The following C10orf88 variants were observed in gnomAD, a reference collection of about 807,000 sequenced individuals.
The protein encoded by C10orf88 is chromosome 10 open reading frame 88, also known as ATPase PAAT.
A neutral mutation model predicts 34.2 loss-of-function variants in C10orf88; 29 were observed. The observed-to-expected ratio is 0.85, with a 90% CI of 0.63 to 1.16. C10orf88 has a LOEUF of 1.16. Among genes scored for constraint, C10orf88 ranks in the 50% most tolerant of loss-of-function variants. The pLI is 0.00. For synonymous variants in C10orf88, 194 were observed against 197.4 expected, an observed-to-expected ratio of 0.98 and a Z score of 0.15; for missense variants, 507 against 533.2, an observed-to-expected ratio of 0.95 and a Z score of 0.48.
intron 5 of C10orf88, 102 bp from the exon 6 acceptor site, chr10:122,932,763 C>T (rs1848496589): frequency 6.4e-6 from 5 of 776,620 alleles, no homozygotes; most frequent in African/African-American, 1.8e-5. Flanking sequence ...TTTGTCTCCA[C>T]AACTGTGCTC....
chr10:122,946,018 C>T (rs1167094094), intron 4 of C10orf88, among the ~76,000 whole-genome samples: 1 of 151,894 alleles, frequency 6.6e-6, no homozygotes, highest in Non-Finnish European at 1.5e-5. Flanking sequence ...ATTGCTTGAA[C>T]CCAGGAGGCA....
intron 4 of C10orf88, among the ~76,000 whole-genome samples, chr10:122,945,412 A>G (rs74683960): frequency 6.6e-6 from 1 of 152,176 alleles, no homozygotes; most frequent in Non-Finnish European, 1.5e-5. Context: ...CCTTCTGCTT[A>G]TATGTTTTAA....
At chr10:122,934,974 T>C (rs1480898804) in intron 5 of C10orf88, among the ~76,000 whole-genome samples, 1 of 152,126 alleles carries the variant, frequency 6.6e-6, no homozygotes, top group African/African-American at 2.4e-5. Flanking sequence ...GAAATGACTA[T>C]TCTTTTGCCC....
At position 122,954,158 on chromosome 10, in the gene C10orf88, G is replaced by A. The variant is rs773622402; in HGVS notation, c.21C>T (p.Asp7=). The A allele has an allele frequency of 3.2e-6, 5 of 1,576,358 alleles. No homozygotes were observed. The South Asian group carries it at 3.5e-5, about 11-fold the overall frequency. METRTE[D]GGLTRRPTLA... is the part of the protein sequence containing the mutation. Reference sequence around the variant, plus strand: ...GCGTGGGGCGGCGGGTGAGGCCCCCGTCCTCGGTCCGCGTCTCCATTCCGC... The same window carrying A: ...GCGTGGGGCGGCGGGTGAGGCCCCCATCCTCGGTCCGCGTCTCCATTCCGC... The change falls in exon 1 of 6, where the codon GAC becomes GAT. Residue 7 remains aspartate, a synonymous_variant. Coordinates refer to ENST00000481909, the MANE Select transcript of C10orf88 (RefSeq NM_024942.4).
At chr10:122,951,909 C>A in intron 3 of C10orf88, 45 bp downstream of exon 3, 1 of 1,230,786 alleles carries the variant, frequency 8.1e-7, no homozygotes, top group Non-Finnish European at 1.2e-6. Context: ...ACACAGAGTA[C>A]AAAAACAACT....
Position 122,946,425 on chromosome 10 carries a change from C to A in C10orf88, c.648+2224G>T, listed in dbSNP as rs112215107. On this transcript the variant is annotated intron_variant, in intron 4 of 5. Transcript: ENST00000481909. ...GTATTCTGTAAAGTAACATGCTATA[C>A]AGGTTCGTAACCTAGGTACGTAGTA... Among the ~76,000 whole-genome samples the A allele has an allele frequency of 4.3e-3, 660 of 152,248 alleles. 4 individuals are homozygous for A. Among genetic ancestry groups the A allele is most frequent in the East Asian group, 0.013 (69 of 5,168 alleles).
chr10:122,950,251 T>A (rs144053412), intron 3 of C10orf88, among the ~76,000 whole-genome samples: 4 of 152,350 alleles, frequency 2.6e-5, no homozygotes, highest in African/African-American at 4.8e-5. Flanking sequence ...GGATTATATG[T>A]TAAAATTTCC....
At chr10:122,953,126 G>A (rs958965892) in intron 1 of C10orf88, 94 bp from the exon 2 acceptor site, 1 of 985,484 alleles carries the variant, frequency 1.0e-6, no homozygotes, top group Admixed American at 2.1e-5. Context: ...CGCCCAGGCT[G>A]GAATGCAGTG....
At chr10:122,945,113 T>C (rs1413753883) in intron 4 of C10orf88, among the ~76,000 whole-genome samples, 2 of 151,752 alleles carry the variant, frequency 1.3e-5, no homozygotes, top group Admixed American at 1.3e-4. Context: ...TAGATATATG[T>C]ATGTGTCACA....
chr10:122,954,210 C>CG lies in C10orf88; in HGVS notation c.-33dup. 6.6e-7 allele frequency: 1 copy of CG among 1,506,230 alleles called. No homozygotes were observed. Among genetic ancestry groups the CG allele is most frequent in the Non-Finnish European group, 8.8e-7 (1 of 1,137,662 alleles). The allele number at this position is 1,506,230 out of a possible 1,614,324, so 93.3% of individuals were successfully genotyped here. A position where few individuals can be genotyped will look rare whatever the true frequency, so the allele number is the denominator to read the frequency against. ...GCCTTCAGTCAGGCCAGCCCAGCCCCGGAACCTCTCTTCCAGTGCTTGAAT... is the reference window on the plus strand; with the variant it reads ...GCCTTCAGTCAGGCCAGCCCAGCCCCGGGAACCTCTCTTCCAGTGCTTGAAT... On this transcript the variant is annotated 5_prime_UTR_variant, in exon 1 of 6. Coordinates refer to ENST00000481909, the MANE Select transcript of C10orf88 (RefSeq NM_024942.4).
rs755583726 is a variant in C10orf88 at position 122,932,467 on chromosome 10, T to C, written c.1298A>G (p.His433Arg). 5.6e-6 allele frequency: 9 copies of C among 1,613,840 alleles called. No individual in the cohort carries two copies. The East Asian group carries it at 2.0e-4, about 36-fold the overall frequency. ...TGAAAGTCTTTCTCCAGAGTCATAA[T>C]GTCTTAGAGGTATCCCAGTGGGCGG... Reference protein sequence around the residue: ...NSPPTGIPLRHYDSGERLSNG... With the variant: ...NSPPTGIPLRRYDSGERLSNG... The change falls in exon 6 of 6, where the codon CAT becomes CGT. Residue 433 changes from histidine to arginine, a missense_variant. Physicochemically the swap from His to Arg is conservative, Grantham distance 29. Coordinates refer to ENST00000481909, the MANE Select transcript of C10orf88 (RefSeq NM_024942.4).
intron 4 of C10orf88, 51 bp from the exon 5 acceptor site, chr10:122,938,210 C>T: frequency 7.0e-7 from 1 of 1,429,414 alleles, no homozygotes. Context: ...TGACAGCTAA[C>T]TTTTGGAGTA....
intron 4 of C10orf88, among the ~76,000 whole-genome samples, chr10:122,943,219 G>A (rs1329931506): frequency 6.8e-5 from 9 of 132,094 alleles, no homozygotes; most frequent in African/African-American, 1.2e-4. Context: ...AAATAACGCC[G>A]CATATCTACA....
intron 5 of C10orf88, among the ~76,000 whole-genome samples, chr10:122,937,102 C>T (rs937413669): frequency 6.6e-6 from 1 of 152,102 alleles, no homozygotes; most frequent in South Asian, 2.1e-4. Context: ...GCCAAAACCA[C>T]ACCTAGAGTC....
At chr10:122,935,567 C>A (rs1848527470) in intron 5 of C10orf88, among the ~76,000 whole-genome samples, 1 of 151,864 alleles carries the variant, frequency 6.6e-6, no homozygotes, top group Non-Finnish European at 1.5e-5. Flanking sequence ...TTCTCTTACA[C>A]TTTTTCAAAA....
At chr10:122,952,763 T>G (rs1223378203) in intron 2 of C10orf88, 66 bp downstream of exon 2, 2 of 1,570,840 alleles carry the variant, frequency 1.3e-6, no homozygotes, top group African/African-American at 1.4e-5. Flanking sequence ...CAATAATTAT[T>G]GCAAAAAGTG....
At chr10:122,934,645 G>A (rs985030992) in intron 5 of C10orf88, among the ~76,000 whole-genome samples, 1 of 152,110 alleles carries the variant, frequency 6.6e-6, no homozygotes, top group African/African-American at 2.4e-5. Context: ...GTTTCTGTGT[G>A]GACCTGAGCT....
chr10:122,951,776 G>A (rs149989415), intron 3 of C10orf88, among the ~76,000 whole-genome samples, 178 bp downstream of exon 3: 1 of 151,884 alleles, frequency 6.6e-6, no homozygotes, highest in Non-Finnish European at 1.5e-5. Flanking sequence ...GTTGCAGTGA[G>A]CCATGATTGT....
Position 122,952,005 on chromosome 10 carries a change from C to G in C10orf88, c.390G>C (p.Leu130Phe). 1.3e-6 allele frequency: 2 copies of G among 1,515,480 alleles called. No individual in the cohort carries two copies. The highest frequency in any genetic ancestry group is 1.8e-6 in the Non-Finnish European group (2 of 1,100,744). The allele number at this position is 1,515,480 out of a possible 1,614,324, so 93.9% of individuals were successfully genotyped here. A position where few individuals can be genotyped will look rare whatever the true frequency, so the allele number is the denominator to read the frequency against. ...ACTCCAATTTTAGATTTTTTTTATACAAAATGATCTTTTCATGTTCACTAA... is the reference window on the plus strand; with the variant it reads ...ACTCCAATTTTAGATTTTTTTTATAGAAAATGATCTTTTCATGTTCACTAA... ...LDDSEHEKIILYKKNLKLESS... is the reference protein window; with the variant it reads ...LDDSEHEKIIFYKKNLKLESS... The change falls in exon 3 of 6, where the codon TTG (leucine) becomes TTC (phenylalanine). Residue 130 changes from leucine to phenylalanine, a missense_variant. Leu to Phe is a conservative substitution (Grantham distance 22). Transcript: ENST00000481909.
Sources: gnomAD v4.1 joint callset for allele counts (sites outside exome capture counted in the v4.1 genomes callset) on GRCh38, gnomAD v4.1.1 for gene constraint, MANE v1.5 for transcripts, NCBI Gene and HGNC (gene_info 2026-07-23, HGNC 2026-07-21) for gene names.